Variants in BRCA1 observed in about 807,000 individuals in gnomAD.
BRCA1 encodes the protein BRCA1 DNA repair associated.
In BRCA1, 140 loss-of-function variants were observed where a neutral mutation model predicts 173.7. The observed-to-expected ratio is 0.81, with a 90% CI of 0.70 to 0.93. BRCA1 has a LOEUF of 0.93. BRCA1 is among the 40% of genes least tolerant of loss of function. The probability of loss-of-function intolerance (pLI) is 0.00; values close to 1 mark genes in which losing one functional copy is unlikely to be tolerated. For synonymous variants in BRCA1, 662 were observed against 756.0 expected (o/e 0.88, Z 2.04); for missense variants, 1,983 against 2,172.5 (o/e 0.91, Z 1.73).
At chr17:43,050,983 T>A (rs1350533516) in intron 20 of BRCA1, 80 bp downstream of exon 20, 4 of 1,376,188 alleles carry the variant, frequency 2.9e-6, no homozygotes, top group Non-Finnish European at 4.1e-6. Flanking sequence ...GGAACCCCCA[T>A]CGTGGGATCT....
rs876658285 is a variant in BRCA1 at position 43,094,035 on chromosome 17, G to A, written c.1496C>T (p.Thr499Ile). 1 of 1,613,968 alleles carries A rather than the reference G, an allele frequency of 6.2e-7. No homozygotes were observed. The highest frequency in any genetic ancestry group is 8.5e-7 in the Non-Finnish European group (1 of 1,179,956). ...TCTCCTTTTACGCTTTAATTTATTT[G>A]TGAGGGGACGCTCTTGTATTATCTG... ...EPQIIQERPLTNKLKRKRRPT... is the reference protein window; with the variant it reads ...EPQIIQERPLINKLKRKRRPT... Residue 499 changes from threonine to isoleucine, a missense_variant, in exon 10 of 23, where the codon ACA (threonine) becomes ATA (isoleucine). Physicochemically the swap from Thr to Ile is moderately conservative, Grantham distance 89. Coordinates refer to ENST00000357654, the MANE Select transcript of BRCA1 (RefSeq NM_007294.4).
chr17:43,091,971 C>T lies in BRCA1; in HGVS notation c.3560G>A (p.Ser1187Asn), dbSNP rs80356975. Reference protein sequence around the residue: ...FSKSVQKGELSRSPSPFTHTH... With the variant: ...FSKSVQKGELNRSPSPFTHTH... The stretch of plus-strand genomic sequence containing the variant: ...ATGGGTGAAAGGGCTAGGACTCCTG[C>T]TAAGCTCTCCTTTCTGGACGCTTTT... Residue 1187 changes from serine (S) to asparagine (N), a missense_variant, in exon 10 of 23, where the codon AGC becomes AAC. Transcript: ENST00000357654. The T allele has an allele frequency of 3.7e-6, 6 of 1,614,004 alleles. No individual in the cohort carries two copies. The Admixed American group carries it at 5.0e-5, about 13-fold the overall frequency.
At chr17:43,064,547 TTC>T (rs1481509911) in intron 16 of BRCA1, among the ~76,000 whole-genome samples, 2 of 152,204 alleles carry the variant, frequency 1.3e-5, no homozygotes, top group Non-Finnish European at 2.9e-5. Flanking sequence ...TCAAAGGCCC[TTC>T]TGAAGAACTA....
chr17:43,169,537 C>T (rs182894031), intron 1 of BRCA1, among the ~76,000 whole-genome samples: 1 of 152,300 alleles, frequency 6.6e-6, no homozygotes, highest in East Asian at 1.9e-4. Flanking sequence ...GAGGATTCCT[C>T]CTCGGACACA....
At chr17:43,154,858 A>T (rs2056186906) in intron 1 of BRCA1, among the ~76,000 whole-genome samples, 1 of 151,972 alleles carries the variant, frequency 6.6e-6, no homozygotes, top group Non-Finnish European at 1.5e-5. Context: ...CAGGTAGTGT[A>T]ATATGTATAG....
At chr17:43,109,682 T>C (rs1381313393) in intron 3 of BRCA1, among the ~76,000 whole-genome samples, 1 of 152,060 alleles carries the variant, frequency 6.6e-6, no homozygotes, top group Non-Finnish European at 1.5e-5. Flanking sequence ...TATACTCTAG[T>C]ATAATGGATC....
At chr17:43,089,834 T>C (rs1490873509) in intron 11 of BRCA1, among the ~76,000 whole-genome samples, 1 of 151,808 alleles carries the variant, frequency 6.6e-6, no homozygotes, top group African/African-American at 2.4e-5. Context: ...TAGTGAGATG[T>C]TGTCTCTAGT....
At chr17:43,142,241 C>G (rs1198183636) in intron 1 of BRCA1, among the ~76,000 whole-genome samples, 3 of 152,168 alleles carry the variant, frequency 2.0e-5, no homozygotes, top group Non-Finnish European at 4.4e-5. Flanking sequence ...CAACTCCCTG[C>G]TTATGTCCAA....
chr17:43,100,594 A>G lies in BRCA1; in HGVS notation c.442-714T>C, dbSNP rs799925. Among the ~76,000 whole-genome samples, 5,199 of 20,608 alleles carry G rather than the reference A, an allele frequency of 0.25. 1,202 individuals are homozygous for G. Among genetic ancestry groups the G allele is most frequent in the African/African-American group, 0.39 (4,467 of 11,486 alleles). 13.5% of individuals were successfully genotyped at this position (20,608 alleles called of 152,430 possible). On this transcript the variant is annotated intron_variant, in intron 6 of 22. Coordinates refer to ENST00000357654, the MANE Select transcript of BRCA1 (RefSeq NM_007294.4). ...TATAACATATATATAACATATATAT[A>G]TTATATATATATAACATATATATAA...
At chr17:43,130,903 G>A (rs2055959414) in intron 1 of BRCA1, among the ~76,000 whole-genome samples, 1 of 152,104 alleles carries the variant, frequency 6.6e-6, no homozygotes, top group African/African-American at 2.4e-5. Flanking sequence ...AATTTGCATT[G>A]TTCTGACCAC....
intron 3 of BRCA1, among the ~76,000 whole-genome samples, chr17:43,114,152 C>T (rs954134207): frequency 1.3e-5 from 2 of 151,950 alleles, no homozygotes; most frequent in South Asian, 2.1e-4. Context: ...ACTACAGCTT[C>T]GAACTCCTGG....
In BRCA1 at chr17:43,115,797, G is replaced by A. The variant is rs864622534; in HGVS notation, c.81-18C>T. 2 of 1,608,020 alleles carry A rather than the reference G, an allele frequency of 1.2e-6. No homozygotes were observed. The highest frequency in any genetic ancestry group is 2.2e-5 in the East Asian group (1 of 44,776). ...ACTCCAGACTAGCAGGGTAGGGGGGGAGAAAAAGAAAATAAATGAGGCTCA... is the reference window on the plus strand; with the variant it reads ...ACTCCAGACTAGCAGGGTAGGGGGGAAGAAAAAGAAAATAAATGAGGCTCA... On this transcript the variant is annotated intron_variant, in intron 2 of 22. Coordinates refer to ENST00000357654, the MANE Select transcript of BRCA1 (RefSeq NM_007294.4).
At chr17:43,119,022 G>C (rs768709829) in intron 2 of BRCA1, 1 of 215,670 alleles carries the variant, frequency 4.6e-6, no homozygotes, top group African/African-American at 2.3e-5. Flanking sequence ...TGCCTCGACC[G>C]GGATTACAGG....
chr17:43,145,329 C>CTTTT (rs1555603978), intron 1 of BRCA1: 14 of 414,868 alleles, frequency 3.4e-5, no homozygotes, highest in African/African-American at 2.0e-4. Flanking sequence ...TTTTTTCTTT[C>CTTTT]TTTTTTTTTT....
chr17:43,103,899 G>T, intron 6 of BRCA1, among the ~76,000 whole-genome samples: 2 of 151,942 alleles, frequency 1.3e-5, no homozygotes, highest in East Asian at 3.9e-4. Context: ...CTGAGGTTAG[G>T]AGTTCGAGAC....
intron 1 of BRCA1, among the ~76,000 whole-genome samples, chr17:43,136,726 C>T (rs980339472): frequency 3.3e-5 from 5 of 152,112 alleles, no homozygotes; most frequent in African/African-American, 7.2e-5. Flanking sequence ...AAATCAAAAC[C>T]ACAATGAGAT....
intron 8 of BRCA1, among the ~76,000 whole-genome samples, 164 bp downstream of exon 8, chr17:43,097,080 C>T (rs2054168755): frequency 6.6e-6 from 1 of 152,160 alleles, no homozygotes; most frequent in Non-Finnish European, 1.5e-5. Flanking sequence ...AAAATCTATA[C>T]ACCAAATCCC....
chr17:43,044,863 G>T lies in BRCA1; in HGVS notation c.*815C>A. 2.1e-6 allele frequency: 1 copy of T among 468,814 alleles called. No homozygotes were observed. Among genetic ancestry groups the T allele is most frequent in the South Asian group, 1.6e-5 (1 of 61,750 alleles). 29.0% of individuals were successfully genotyped at this position (468,814 alleles called of 1,614,324 possible). On this transcript the variant is annotated 3_prime_UTR_variant, in exon 23 of 23. Coordinates refer to ENST00000357654, the MANE Select transcript of BRCA1 (RefSeq NM_007294.4). Reference sequence around the variant, plus strand: ...CTGTCACCCAGGCTGGAGTGCCGTGGTATGATCTTGGCTCACTGCAACCTC... The same window carrying T: ...CTGTCACCCAGGCTGGAGTGCCGTGTTATGATCTTGGCTCACTGCAACCTC...
intron 1 of BRCA1, among the ~76,000 whole-genome samples, chr17:43,158,254 A>G (rs2056210470): frequency 6.6e-6 from 1 of 152,188 alleles, no homozygotes; most frequent in East Asian, 1.9e-4. Context: ...GATTTTTTTG[A>G]TCACTCTGAT....
Sources: allele counts gnomAD v4.1 joint callset (sites outside exome capture counted in the v4.1 genomes callset), GRCh38; gene constraint gnomAD v4.1.1; transcripts MANE v1.5; gene names NCBI Gene and HGNC (gene_info 2026-07-23, HGNC 2026-07-21).